The following NRXN3 variants were observed in gnomAD, a reference collection of about 807,000 sequenced individuals.
The protein encoded by NRXN3 is neurexin III.
In NRXN3, 32 loss-of-function variants were observed where a neutral mutation model predicts 137.6. That is an observed-to-expected ratio of 0.23 (90% CI 0.18 to 0.31). The LOEUF (loss-of-function observed/expected upper bound fraction) is 0.31. NRXN3 is among the 10% of genes least tolerant of loss of function. The pLI is 1.00. For synonymous variants in NRXN3, 798 were observed against 784.5 expected (o/e 1.02, Z -0.29); for missense variants, 1,574 against 2,062.5 (o/e 0.76, Z 4.59).
chr14:79,540,779 TAGG>T (rs2097264647), intron 16 of NRXN3, among the ~76,000 whole-genome samples: 1 of 152,112 alleles, frequency 6.6e-6, no homozygotes, highest in Admixed American at 6.6e-5. Flanking sequence ...GGGTAGACAA[TAGG>T]AGAAAAAAAC....
At chr14:78,269,730 C>T (rs186473159) in intron 2 of NRXN3, among the ~76,000 whole-genome samples, 10 of 152,314 alleles carry the variant, frequency 6.6e-5, no homozygotes, top group African/African-American at 1.9e-4. Flanking sequence ...AGTATGCCTC[C>T]TCTTCTAAGA....
In NRXN3 at chr14:78,926,977, T is replaced by G. The variant is rs2099306200; in HGVS notation, c.2276-30265T>G. 3.1e-5 allele frequency among the ~76,000 whole-genome samples: 2 copies of G among 63,934 alleles called. 1 individual carries two copies. The highest frequency in any genetic ancestry group is 5.2e-5 in the Non-Finnish European group (2 of 38,604). The allele number at this position is 63,934 out of a possible 152,430, so 41.9% of individuals were successfully genotyped here. On this transcript the variant is annotated intron_variant, in intron 10 of 20. Transcript: ENST00000335750. ...TATATAATATATATATAATATATAATATATTTTTATATATATATATAATAT... is the reference window on the plus strand; with the variant it reads ...TATATAATATATATATAATATATAAGATATTTTTATATATATATATAATAT...
chr14:78,441,644 C>CTTAGTAAGATGTA (rs1185516430), intron 4 of NRXN3, among the ~76,000 whole-genome samples: 17 of 151,908 alleles, frequency 1.1e-4, no homozygotes, highest in South Asian at 2.1e-4. Context: ...TGGTGGTTCC[C>CTTAGTAAGATGTA]CCAAAAGATA....
At chr14:78,585,515 G>A (rs560658835) in intron 4 of NRXN3, among the ~76,000 whole-genome samples, 9 of 152,338 alleles carry the variant, frequency 5.9e-5, no homozygotes, top group African/African-American at 1.7e-4. Context: ...TTAGGGACAA[G>A]GGAGGGTGGA....
chr14:78,942,918 CA>C (rs145524508), intron 10 of NRXN3, among the ~76,000 whole-genome samples: 17,029 of 151,508 alleles, frequency 0.11, 1,231 homozygotes, highest in African/African-American at 0.19. Context: ...GGAAAAGAAA[CA>C]AAAAAATAAA....
rs757106531 is a variant in NRXN3 at position 79,513,476 on chromosome 14, G to A, written c.3444+46074G>A. 7.2e-4 allele frequency among the ~76,000 whole-genome samples: 109 copies of A among 152,314 alleles called. 1 individual carries two copies. The highest frequency in any genetic ancestry group is 1.0e-3 in the Non-Finnish European group (71 of 68,026). On this transcript the variant is annotated intron_variant, in intron 16 of 20. Transcript: ENST00000335750. ...ACAGTGAGGGAATAATCTGTCCCTA[G>A]CACAGGAGGCTGAACACAGCAGTGA... is the stretch of plus-strand genomic sequence containing the variant.
At chr14:78,722,924 C>A (rs2098466571) in intron 8 of NRXN3, among the ~76,000 whole-genome samples, 1 of 152,054 alleles carries the variant, frequency 6.6e-6, no homozygotes, top group Non-Finnish European at 1.5e-5. Flanking sequence ...ATCTCCCCGG[C>A]AGACCAGGCA....
intron 15 of NRXN3, among the ~76,000 whole-genome samples, chr14:79,302,478 T>C (rs1057253503): frequency 1.1e-4 from 16 of 151,912 alleles, no homozygotes; most frequent in Non-Finnish European, 1.8e-4. Flanking sequence ...GGAGGAGTTG[T>C]CAGGCTCTTT....
chr14:78,423,803 G>T (rs1688204722), intron 4 of NRXN3, among the ~76,000 whole-genome samples: 1 of 152,222 alleles, frequency 6.6e-6, no homozygotes, highest in Admixed American at 6.5e-5. Flanking sequence ...CCACTTCACT[G>T]TAGCAGTCCA....
intron 4 of NRXN3, among the ~76,000 whole-genome samples, chr14:78,474,713 C>T (rs1396204145): frequency 6.6e-6 from 1 of 152,144 alleles, no homozygotes; most frequent in Non-Finnish European, 1.5e-5. Context: ...GTAGAAAGTT[C>T]CCTACCATAA....
chr14:78,335,301 A>G (rs1312528449), intron 4 of NRXN3, among the ~76,000 whole-genome samples: 1 of 152,236 alleles, frequency 6.6e-6, no homozygotes, highest in Non-Finnish European at 1.5e-5. Flanking sequence ...TTTATAGGAA[A>G]ACCTCAAGTT....
intron 6 of NRXN3, among the ~76,000 whole-genome samples, chr14:78,698,446 C>T (rs1452794084): frequency 6.6e-6 from 1 of 151,978 alleles, no homozygotes; most frequent in East Asian, 1.9e-4. Context: ...TAGTTATGGC[C>T]AAAGGCCTCA....
chr14:79,701,130 G>A (rs2154031768), intron 19 of NRXN3, among the ~76,000 whole-genome samples: 1 of 152,134 alleles, frequency 6.6e-6, no homozygotes, highest in South Asian at 2.1e-4. Context: ...GGCCAAATTT[G>A]TTGTATTTTT....
At position 79,467,261 on chromosome 14, in the gene NRXN3, C is replaced by T; in HGVS notation, c.3303C>T (p.Ile1101=). ...TCTTTGGGAAAAGTGGTGGGCTTAT[C>T]CTCTACACCTGGCCAGCCAATGACA... ...TYIFGKSGGL[I]LYTWPANDRP... Residue 1101 remains isoleucine (I), a synonymous_variant, in exon 16 of 21, where the codon ATC becomes ATT. Transcript: ENST00000335750. 3 of 1,611,596 alleles carry T rather than the reference C, an allele frequency of 1.9e-6. No individual in the cohort carries two copies. Among genetic ancestry groups the T allele is most frequent in the Non-Finnish European group, 2.5e-6 (3 of 1,177,902 alleles).
chr14:79,401,584 A>G (rs1297734991), intron 15 of NRXN3, among the ~76,000 whole-genome samples: 3 of 152,024 alleles, frequency 2.0e-5, no homozygotes, highest in Non-Finnish European at 4.4e-5. Context: ...CTAATAATGA[A>G]CTTTTCTGTA....
At chr14:79,307,020 C>T (rs1180955911) in intron 15 of NRXN3, among the ~76,000 whole-genome samples, 2 of 152,116 alleles carry the variant, frequency 1.3e-5, no homozygotes, top group African/African-American at 4.8e-5. Context: ...ACTCCTTCTA[C>T]TTCCAGGAAA....
intron 16 of NRXN3, among the ~76,000 whole-genome samples, chr14:79,505,461 T>C (rs1044122663): frequency 1.3e-5 from 2 of 152,160 alleles, no homozygotes; most frequent in African/African-American, 4.8e-5. Flanking sequence ...TAAGTTCATA[T>C]GGAAGGATTT....
At chr14:78,615,462 T>G (rs909045262) in intron 4 of NRXN3, among the ~76,000 whole-genome samples, 3 of 127,576 alleles carry the variant, frequency 2.4e-5, no homozygotes, top group Non-Finnish European at 4.9e-5. Flanking sequence ...AAAAAAAAAA[T>G]TAGTCTGTTG....
Position 78,859,472 on chromosome 14 carries a change from T to A in NRXN3, c.2275+49128T>A, listed in dbSNP as rs560763437. On this transcript the variant is annotated intron_variant, in intron 10 of 20. Coordinates refer to ENST00000335750, the MANE Select transcript of NRXN3 (RefSeq NM_001330195.2). Reference sequence around the variant, plus strand: ...TCTGATGATGTTGTGGAGCTCGCAGTTGACCTGTATCTTCTTGATATAAGT... The same window carrying A: ...TCTGATGATGTTGTGGAGCTCGCAGATGACCTGTATCTTCTTGATATAAGT... 2.0e-5 allele frequency among the ~76,000 whole-genome samples: 3 copies of A among 152,336 alleles called. No individual in the cohort carries two copies. The South Asian group carries it at 6.2e-4, about 32-fold the overall frequency.
Sources: gnomAD v4.1 joint callset for allele counts (sites outside exome capture counted in the v4.1 genomes callset) on GRCh38, gnomAD v4.1.1 for gene constraint, MANE v1.5 for transcripts, NCBI Gene and HGNC (gene_info 2026-07-23, HGNC 2026-07-21) for gene names.